Variants in PEAK1 observed in about 807,000 individuals in gnomAD.
The protein encoded by PEAK1 is pseudopodium enriched atypical kinase 1.
PEAK1 carries 54 observed loss-of-function variants against 124.7 expected under a neutral mutation model. The observed-to-expected ratio is 0.43, with a 90% CI of 0.35 to 0.54. The LOEUF is 0.54. Among genes scored for constraint, PEAK1 ranks in the 20% least tolerant of loss-of-function variants. The pLI is 0.01. For synonymous variants in PEAK1, 719 were observed against 760.0 expected (o/e 0.95, Z 0.89); for missense variants, 2,046 against 2,134.5 (o/e 0.96, Z 0.82).
At chr15:77,348,271 T>C in intron 2 of PEAK1, 2 of 919,544 alleles carry the variant, frequency 2.2e-6, no homozygotes, top group African/African-American at 3.6e-5. Flanking sequence ...ACAACATCCC[T>C]GAGTCTCAAT....
At chr15:77,392,343 A>G (rs2070538287) in intron 1 of PEAK1, among the ~76,000 whole-genome samples, 1 of 152,244 alleles carries the variant, frequency 6.6e-6, no homozygotes, top group East Asian at 1.9e-4. Context: ...AATCTATGTG[A>G]AAAAAGAGTA....
At chr15:77,154,861 A>G (rs1429904659) in intron 8 of PEAK1, among the ~76,000 whole-genome samples, 1 of 152,048 alleles carries the variant, frequency 6.6e-6, no homozygotes, top group South Asian at 2.1e-4. Context: ...ATCAGCTGTT[A>G]GTCTGATGGG....
intron 9 of PEAK1, among the ~76,000 whole-genome samples, chr15:77,123,289 T>C (rs543782836): frequency 3.0e-4 from 45 of 152,316 alleles, no homozygotes; most frequent in Non-Finnish European, 6.0e-4. Flanking sequence ...TGGTCTCGCA[T>C]GGTAGTACTT....
chr15:77,288,271 C>T (rs1454587605), intron 2 of PEAK1, among the ~76,000 whole-genome samples: 1 of 152,134 alleles, frequency 6.6e-6, no homozygotes, highest in African/African-American at 2.4e-5. Flanking sequence ...CACTTTATTG[C>T]ACCACTGACA....
chr15:77,320,447 C>T (rs1472785631), intron 2 of PEAK1, among the ~76,000 whole-genome samples: 2 of 152,146 alleles, frequency 1.3e-5, no homozygotes, highest in Non-Finnish European at 2.9e-5. Context: ...CTACCAAACT[C>T]TCTAAGGAGA....
intron 2 of PEAK1, among the ~76,000 whole-genome samples, chr15:77,324,841 T>C (rs937094072): frequency 2.0e-5 from 3 of 152,110 alleles, no homozygotes; most frequent in African/African-American, 7.2e-5. Flanking sequence ...CATGATCCAA[T>C]CACCTCCCAC....
chr15:77,244,667 C>A (rs764143859), intron 6 of PEAK1, among the ~76,000 whole-genome samples: 3 of 152,040 alleles, frequency 2.0e-5, no homozygotes, highest in Non-Finnish European at 4.4e-5. Context: ...CGGCTCGCTG[C>A]AGCCTCCACC....
In PEAK1 at chr15:77,108,774, C is replaced by T. The variant is rs899570743; in HGVS notation, c.*5382G>A. The T allele has an allele frequency of 6.6e-6, 1 of 152,160 alleles. No homozygotes were observed. 9.4% of individuals were successfully genotyped at this position (152,160 alleles called of 1,614,324 possible). On this transcript the variant is annotated 3_prime_UTR_variant, in exon 10 of 10. Transcript: ENST00000682557. ...AAAAAATGTCCGACCTCTTTTGATT[C>T]CCTGAAACTTTCTTGATTTAAAAAA...
At chr15:77,139,561 T>C (rs2152750775) in intron 8 of PEAK1, among the ~76,000 whole-genome samples, 1 of 152,346 alleles carries the variant, frequency 6.6e-6, no homozygotes, top group East Asian at 1.9e-4. Flanking sequence ...TTCAGCTCCA[T>C]CATAATCCTA....
intron 5 of PEAK1, among the ~76,000 whole-genome samples, chr15:77,274,975 C>A (rs979142961): frequency 6.6e-6 from 1 of 152,082 alleles, no homozygotes; most frequent in African/African-American, 2.4e-5. Context: ...CCATGGAATA[C>A]TACTCAGCAA....
At chr15:77,272,317 CA>C (rs2062079670) in intron 5 of PEAK1, among the ~76,000 whole-genome samples, 1 of 151,982 alleles carries the variant, frequency 6.6e-6, no homozygotes, top group Admixed American at 6.6e-5. Flanking sequence ...ATAAATACAA[CA>C]AAAAGCTGGT....
At chr15:77,163,915 C>T (rs570879579) in intron 7 of PEAK1, among the ~76,000 whole-genome samples, 2 of 152,136 alleles carry the variant, frequency 1.3e-5, no homozygotes, top group Non-Finnish European at 2.9e-5. Flanking sequence ...AAAACGTCAT[C>T]GTTTTGTTAC....
At chr15:77,321,486 T>C (rs922912198) in intron 2 of PEAK1, among the ~76,000 whole-genome samples, 2 of 152,232 alleles carry the variant, frequency 1.3e-5, no homozygotes, top group South Asian at 2.1e-4. Flanking sequence ...TCATATCCTT[T>C]GCCCACTTTT....
At chr15:77,344,401 T>C (rs1385802369) in intron 2 of PEAK1, among the ~76,000 whole-genome samples, 1 of 152,214 alleles carries the variant, frequency 6.6e-6, no homozygotes, top group African/African-American at 2.4e-5. Flanking sequence ...GCCGGCTGTC[T>C]GTTTTATTCC....
intron 3 of PEAK1, among the ~76,000 whole-genome samples, chr15:77,285,984 G>C (rs2062910124): frequency 6.6e-6 from 1 of 152,020 alleles, no homozygotes; most frequent in African/African-American, 2.4e-5. Flanking sequence ...TTTCTCTTGT[G>C]GGCATCTAGT....
chr15:77,234,694 T>C (rs1277339339), intron 6 of PEAK1, among the ~76,000 whole-genome samples: 1 of 152,080 alleles, frequency 6.6e-6, no homozygotes, highest in Admixed American at 6.5e-5. Context: ...AAAAAATTTG[T>C]GTAAGATCAT....
intron 1 of PEAK1, among the ~76,000 whole-genome samples, chr15:77,401,285 A>G (rs2071357773): frequency 6.6e-6 from 1 of 152,214 alleles, no homozygotes. Context: ...AATAATCACC[A>G]TATAAATGAG....
At chr15:77,168,476 T>C (rs2056281494) in intron 7 of PEAK1, among the ~76,000 whole-genome samples, 2 of 152,222 alleles carry the variant, frequency 1.3e-5, no homozygotes, top group African/African-American at 4.8e-5. Flanking sequence ...TTCAACCCTG[T>C]TGTAGCTTGA....
chr15:77,161,839 G>C (rs754641994), intron 7 of PEAK1, among the ~76,000 whole-genome samples: 5 of 151,790 alleles, frequency 3.3e-5, no homozygotes, highest in African/African-American at 4.8e-5. Context: ...GGTGGCAGGT[G>C]CCTATAATCC....
Sources: allele counts gnomAD v4.1 joint callset (sites outside exome capture counted in the v4.1 genomes callset), GRCh38; gene constraint gnomAD v4.1.1; transcripts MANE v1.5; gene names NCBI Gene and HGNC (gene_info 2026-07-23, HGNC 2026-07-21).